PRMT3: variants seen among roughly 807,000 people sequenced by gnomAD.
PRMT3 encodes protein arginine methyltransferase 3, also known as protein arginine N-methyltransferase 3.
PRMT3 carries 62 observed loss-of-function variants against 71.9 expected under a neutral mutation model. That is an observed-to-expected ratio of 0.86 (90% CI 0.70 to 1.07). The LOEUF is 1.07. Ranked by LOEUF, PRMT3 falls within the 50% of genes least tolerant of loss-of-function variation. The pLI, the probability that PRMT3 is intolerant of heterozygous loss-of-function variation, is 0.00. For missense variants in PRMT3, 663 were observed against 643.0 expected (o/e 1.03, Z -0.34); for synonymous variants, 213 against 220.4 (o/e 0.97, Z 0.30).
intron 11 of PRMT3, among the ~76,000 whole-genome samples, chr11:20,459,585 A>G (rs1850337784): frequency 6.6e-6 from 1 of 152,206 alleles, no homozygotes; most frequent in Non-Finnish European, 1.5e-5. Context: ...CTAAACTGGT[A>G]ATTTCACAAA....
At chr11:20,441,950 G>A (rs550979477) in intron 10 of PRMT3, among the ~76,000 whole-genome samples, 83 of 151,876 alleles carry the variant, frequency 5.5e-4, no homozygotes, top group South Asian at 5.0e-3. Context: ...CTGCCACCAC[G>A]CCCGGCTAAT....
Position 20,402,939 on chromosome 11 carries a change from C to T in PRMT3, c.726C>T (p.Ser242=), listed in dbSNP as rs1848982204. 1 of 1,609,040 alleles carries T rather than the reference C, an allele frequency of 6.2e-7. No individual in the cohort carries two copies. Among genetic ancestry groups the T allele is most frequent in the African/African-American group, 1.3e-5 (1 of 74,764 alleles). The change falls in exon 8 of 16, where the codon AGC becomes AGT. Residue 242 remains serine, a synonymous_variant. Coordinates refer to ENST00000331079, the MANE Select transcript of PRMT3 (RefSeq NM_005788.4). ...EMLKDKIRTE[S]YRDFIYQNPH... ...CCTAGGACAAAATACGAACAGAAAG[C>T]TACCGAGATTTCATATACCAAAATC...
chr11:20,460,057 A>T (rs1850348559), intron 11 of PRMT3, among the ~76,000 whole-genome samples: 1 of 152,150 alleles, frequency 6.6e-6, no homozygotes. Context: ...TGAGTATCTC[A>T]CAAGTTAGGT....
At chr11:20,434,350 C>A (rs1455619912) in intron 10 of PRMT3, among the ~76,000 whole-genome samples, 3 of 152,160 alleles carry the variant, frequency 2.0e-5, no homozygotes, top group East Asian at 1.9e-4. Flanking sequence ...TTGATGGTTT[C>A]TTTTGCTGTG....
At chr11:20,474,117 A>C (rs1850719921) in intron 13 of PRMT3, among the ~76,000 whole-genome samples, 1 of 152,128 alleles carries the variant, frequency 6.6e-6, no homozygotes, top group Admixed American at 6.5e-5. Context: ...CACCCGTACG[A>C]GGTGGCTAGA....
intron 10 of PRMT3, among the ~76,000 whole-genome samples, chr11:20,450,522 G>A (rs115884187): frequency 1.3e-3 from 199 of 152,248 alleles, no homozygotes; most frequent in African/African-American, 4.6e-3. Flanking sequence ...TATTACTGAA[G>A]TACTCTATCC....
At chr11:20,404,326 T>C (rs1849025776) in intron 8 of PRMT3, among the ~76,000 whole-genome samples, 1 of 140,352 alleles carries the variant, frequency 7.1e-6, no homozygotes. Flanking sequence ...CTCCGCCTCC[T>C]GGGTTCAAGC....
At chr11:20,441,043 C>T (rs981306355) in intron 10 of PRMT3, among the ~76,000 whole-genome samples, 9 of 151,674 alleles carry the variant, frequency 5.9e-5, no homozygotes, top group African/African-American at 1.5e-4. Context: ...CCTAGTAGTC[C>T]TCAATATAAC....
chr11:20,429,371 C>T (rs1352973667), intron 10 of PRMT3, among the ~76,000 whole-genome samples: 1 of 152,188 alleles, frequency 6.6e-6, no homozygotes, highest in Non-Finnish European at 1.5e-5. Flanking sequence ...GCCTGCCACT[C>T]ACCTCTTGCT....
At chr11:20,422,024 G>A (rs1215315887) in intron 9 of PRMT3, among the ~76,000 whole-genome samples, 1 of 152,000 alleles carries the variant, frequency 6.6e-6, no homozygotes, top group East Asian at 1.9e-4. Flanking sequence ...AGAGAGTATG[G>A]CAGTTACCCC....
Position 20,387,806 on chromosome 11 carries a change from G to T in PRMT3, c.28+32G>T, listed in dbSNP as rs1458447575. The T allele has an allele frequency of 1.3e-6, 2 of 1,541,006 alleles. No individual in the cohort carries two copies. Among genetic ancestry groups the T allele is most frequent in the Non-Finnish European group, 1.7e-6 (2 of 1,146,190 alleles). On this transcript the variant is annotated intron_variant, in intron 1 of 15. Coordinates refer to ENST00000331079, the MANE Select transcript of PRMT3 (RefSeq NM_005788.4). The surrounding 1 kb of genome is among the most constrained non-coding windows in gnomAD (Gnocchi z 4.3). ...ACCCTGGCCCCTCAGCACCCGGCTC[G>T]TCCAGCCCCAGGCCGCGCCGCTGTG...
intron 13 of PRMT3, among the ~76,000 whole-genome samples, chr11:20,492,222 G>C (rs1158887094): frequency 6.6e-6 from 1 of 152,130 alleles, no homozygotes; most frequent in Admixed American, 6.5e-5. Flanking sequence ...CCAGGTTACT[G>C]CTCTGGGCAC....
chr11:20,457,710 C>G (rs1850299294), intron 11 of PRMT3, among the ~76,000 whole-genome samples: 1 of 152,176 alleles, frequency 6.6e-6, no homozygotes, highest in South Asian at 2.1e-4. Context: ...TTTTATACAG[C>G]ACTTCACATT....
intron 7 of PRMT3, among the ~76,000 whole-genome samples, chr11:20,400,287 A>C (rs565728071): frequency 2.0e-5 from 3 of 152,278 alleles, no homozygotes; most frequent in African/African-American, 7.2e-5. Flanking sequence ...TTTCCATGAC[A>C]CTATTTTTGG....
At chr11:20,415,997 A>G (rs1849296415) in intron 9 of PRMT3, among the ~76,000 whole-genome samples, 1 of 152,150 alleles carries the variant, frequency 6.6e-6, no homozygotes, top group Non-Finnish European at 1.5e-5. Context: ...CCTTTACCCA[A>G]CATACCTGTT....
At chr11:20,410,066 A>G (rs1849162061) in intron 9 of PRMT3, among the ~76,000 whole-genome samples, 1 of 152,152 alleles carries the variant, frequency 6.6e-6, no homozygotes, top group African/African-American at 2.4e-5. Flanking sequence ...ACTCTATGAA[A>G]GAAATGTAAA....
chr11:20,504,357 T>C (rs1851528218), intron 15 of PRMT3, among the ~76,000 whole-genome samples: 1 of 152,218 alleles, frequency 6.6e-6, no homozygotes, highest in East Asian at 1.9e-4. Flanking sequence ...GATCTGTATG[T>C]CTGTCCTTGT....
chr11:20,485,536 A>G (rs977526277), intron 13 of PRMT3, among the ~76,000 whole-genome samples: 1 of 152,236 alleles, frequency 6.6e-6, no homozygotes, highest in Admixed American at 6.5e-5. Context: ...TTGAACAGAC[A>G]TTCTAAGACC....
intron 13 of PRMT3, among the ~76,000 whole-genome samples, chr11:20,479,665 T>C (rs1011252868): frequency 2.6e-5 from 4 of 152,184 alleles, no homozygotes; most frequent in African/African-American, 9.6e-5. Flanking sequence ...TTGAAATTTT[T>C]GATAGTATTT....
Sources: gnomAD v4.1 joint callset for allele counts (sites outside exome capture counted in the v4.1 genomes callset) on GRCh38, gnomAD v4.1.1 for gene constraint, Gnocchi (gnomAD v3.1) non-coding constraint, MANE v1.5 for transcripts, NCBI Gene and HGNC (gene_info 2026-07-23, HGNC 2026-07-21) for gene names.